TRAFD1: variants seen among roughly 807,000 people sequenced by gnomAD.
TRAFD1 encodes the protein TRAF-type zinc finger domain containing 1, also known as TRAF-type zinc finger domain-containing protein 1.
TRAFD1 carries 38 observed loss-of-function variants against 65.3 expected under a neutral mutation model. That is an observed-to-expected ratio of 0.58 (90% CI 0.45 to 0.76). The LOEUF is 0.76. TRAFD1 is among the 30% of genes least tolerant of loss of function. TRAFD1 has a pLI of 0.00. For missense variants in TRAFD1, 631 were observed against 712.6 expected, an observed-to-expected ratio of 0.89 and a Z score of 1.30; for synonymous variants, 223 against 257.2, an observed-to-expected ratio of 0.87 and a Z score of 1.27.
chr12:112,136,777 G>A (rs1169399022), intron 4 of TRAFD1, among the ~76,000 whole-genome samples: 1 of 152,098 alleles, frequency 6.6e-6, no homozygotes, highest in South Asian at 2.1e-4. Flanking sequence ...GTTTTTCATA[G>A]AGTTGGGGTC....
chr12:112,137,020 C>T lies in TRAFD1; in HGVS notation c.237+1954C>T, dbSNP rs1290161108. ...TGGGTGGATCACAGGGTCAGGAGTT[C>T]GAGACCAGCCTGGCCAATATGGTGA... On this transcript the variant is annotated intron_variant, in intron 4 of 11. Coordinates refer to ENST00000412615, the MANE Select transcript of TRAFD1 (RefSeq NM_006700.3). This position sits in a 1 kb window ranked among gnomAD's most constrained non-coding sequence, Gnocchi z 4.2. 2.6e-5 allele frequency among the ~76,000 whole-genome samples: 4 copies of T among 151,710 alleles called. No individual in the cohort carries two copies. Among genetic ancestry groups the T allele is most frequent in the Admixed American group, 2.6e-4 (4 of 15,238 alleles).
intron 8 of TRAFD1, among the ~76,000 whole-genome samples, chr12:112,149,111 G>A (rs1040328441): frequency 1.8e-4 from 27 of 151,996 alleles, no homozygotes; most frequent in African/African-American, 6.5e-4. Context: ...CCAGCTACTC[G>A]GGAGGCTGAG....
Position 112,142,072 on chromosome 12 carries a change from T to TA in TRAFD1, c.644-17_644-16insA, listed in dbSNP as rs2030102614. ...TTTCTAATGTATCCTGAATGTTGGT[T>TA]GGTTTTTTTTTTTCAGTTGAAGAAC... On this transcript the variant is annotated splice_polypyrimidine_tract_variant and intron_variant, in intron 5 of 11. Transcript: ENST00000412615. The TA allele has an allele frequency of 6.2e-7, 1 of 1,609,108 alleles. No homozygotes were observed. The highest frequency in any genetic ancestry group is 2.2e-5 in the East Asian group (1 of 44,714).
chr12:112,145,535 T>A (rs1303581368), intron 6 of TRAFD1, 51 bp from the exon 7 acceptor site: 18 of 1,584,632 alleles, frequency 1.1e-5, no homozygotes. Flanking sequence ...AAAGTTAAAT[T>A]CAAGTTTGTT....
intron 7 of TRAFD1, among the ~76,000 whole-genome samples, chr12:112,146,274 C>G (rs1226054567): frequency 6.9e-6 from 1 of 145,762 alleles, no homozygotes; most frequent in African/African-American, 2.6e-5. Flanking sequence ...TGCCTGTAGT[C>G]CCAGCTACTC....
At chr12:112,141,285 C>CA in intron 5 of TRAFD1, 61 bp downstream of exon 5, 1 of 1,572,388 alleles carries the variant, frequency 6.4e-7, no homozygotes, top group Non-Finnish European at 8.7e-7. Flanking sequence ...CAAATGGGAA[C>CA]AGGGCTTTGG....
chr12:112,141,994 C>T (rs1382484161), intron 5 of TRAFD1, 95 bp from the exon 6 acceptor site: 79 of 1,360,930 alleles, frequency 5.8e-5, no homozygotes, highest in Non-Finnish European at 7.8e-5. Flanking sequence ...TTCCCGGATG[C>T]CTGTAAACCT....
intron 4 of TRAFD1, among the ~76,000 whole-genome samples, chr12:112,138,322 G>T (rs958386927): frequency 1.2e-4 from 18 of 152,130 alleles, no homozygotes; most frequent in African/African-American, 4.3e-4. Context: ...GGCAGAGGAG[G>T]GCGGGTCACT....
At position 112,129,193 on chromosome 12, in the gene TRAFD1, ATTTTTTT is replaced by A. The variant is rs56949881; in HGVS notation, c.-12-1298_-12-1292del. On this transcript the variant is annotated intron_variant, in intron 1 of 11. Coordinates refer to ENST00000412615, the MANE Select transcript of TRAFD1 (RefSeq NM_006700.3). ...GAACCAGAAAAAGGGTGGGATGGTG[ATTTTTTT>A]TTTTTTTTTTTTTTTTTTTGAGACA... Among the ~76,000 whole-genome samples, 10 of 81,366 alleles carry A rather than the reference ATTTTTTT, an allele frequency of 1.2e-4. No homozygotes were observed. The East Asian group carries it at 5.0e-3, about 41-fold the overall frequency. The allele number at this position is 81,366 out of a possible 152,430, so 53.4% of individuals were successfully genotyped here.
chr12:112,149,590 T>C, intron 8 of TRAFD1, 161 bp from the exon 9 acceptor site: 2 of 868,164 alleles, frequency 2.3e-6, no homozygotes, highest in Non-Finnish European at 3.5e-6. Context: ...TGGGATTGAA[T>C]GCAACCATTC....
chr12:112,149,932 C>T (rs2136982183), intron 9 of TRAFD1, 61 bp downstream of exon 9: 2 of 1,601,832 alleles, frequency 1.2e-6, no homozygotes, highest in African/African-American at 2.7e-5. Context: ...GGCCTGTTTA[C>T]CACTTCCCAT....
chr12:112,150,168 G>A (rs1325004314), intron 9 of TRAFD1, among the ~76,000 whole-genome samples: 1 of 152,188 alleles, frequency 6.6e-6, no homozygotes, highest in Admixed American at 6.5e-5. Context: ...ATTATTTGTA[G>A]ATAATTTGCA....
intron 4 of TRAFD1, among the ~76,000 whole-genome samples, chr12:112,139,403 A>G (rs867445992): frequency 6.6e-5 from 10 of 152,080 alleles, no homozygotes; most frequent in Non-Finnish European, 1.0e-4. Context: ...CCATGTAGAT[A>G]TAATGCCAAT....
chr12:112,133,241 C>CA (rs1183484711), intron 2 of TRAFD1: 7 of 152,260 alleles, frequency 4.6e-5, no homozygotes, highest in African/African-American at 1.7e-4. Context: ...CATTTTTGTA[C>CA]AGCTTTACAG....
chr12:112,128,385 C>T (rs1015960941), intron 1 of TRAFD1, among the ~76,000 whole-genome samples: 15 of 152,160 alleles, frequency 9.9e-5, no homozygotes, highest in African/African-American at 3.6e-4. Flanking sequence ...CTTGATAATG[C>T]CAAAACCTTT....
intron 1 of TRAFD1, among the ~76,000 whole-genome samples, chr12:112,127,432 T>G (rs1349681375): frequency 6.6e-6 from 1 of 152,242 alleles, no homozygotes; most frequent in East Asian, 1.9e-4. Flanking sequence ...TAAAGTATTT[T>G]TAGTGCCAGG....
intron 1 of TRAFD1, among the ~76,000 whole-genome samples, chr12:112,129,683 G>T (rs190878965): frequency 1.3e-5 from 2 of 151,906 alleles, no homozygotes; most frequent in Non-Finnish European, 2.9e-5. Flanking sequence ...TTACTCTGTC[G>T]CTAGGGTGGA....
At chr12:112,151,567 AT>A (rs911841528) in intron 9 of TRAFD1, among the ~76,000 whole-genome samples, 12 of 146,258 alleles carry the variant, frequency 8.2e-5, no homozygotes, top group Admixed American at 2.0e-4. Context: ...CTAATTTTGT[AT>A]TTTTTTTTTA....
chr12:112,152,193 G>C lies in TRAFD1; in HGVS notation c.1619+53G>C, dbSNP rs1200074983. 3 of 1,560,720 alleles carry C rather than the reference G, an allele frequency of 1.9e-6. No individual in the cohort carries two copies. The Admixed American group carries it at 5.3e-5, about 28-fold the overall frequency. ...CTTGGGAGTAGCTGAAGCGAACATG[G>C]GCAAAGGCCTGGTTACCCTTGCCAG... On this transcript the variant is annotated intron_variant, in intron 10 of 11. Transcript: ENST00000412615. This position sits in a 1 kb window ranked among gnomAD's most constrained non-coding sequence, Gnocchi z 5.0.
Sources: allele counts gnomAD v4.1 joint callset (sites outside exome capture counted in the v4.1 genomes callset), GRCh38; gene constraint gnomAD v4.1.1; non-coding constraint Gnocchi (gnomAD v3.1); transcripts MANE v1.5; gene names NCBI Gene and HGNC (gene_info 2026-07-23, HGNC 2026-07-21).